Variants in HMGA2 observed in about 807,000 individuals in gnomAD.
HMGA2 encodes the protein high mobility group AT-hook 2.
HMGA2 carries 8 observed loss-of-function variants against 19.1 expected under a neutral mutation model. The ratio of observed to expected loss-of-function variants is 0.42; its 90% CI spans 0.25 to 0.76. HMGA2 has a LOEUF of 0.76. Among genes scored for constraint, HMGA2 ranks in the 30% least tolerant of loss-of-function variants. The pLI is 0.28. For synonymous variants in HMGA2, 60 were observed against 48.8 expected (o/e 1.23, Z -0.96); for missense variants, 109 against 136.3 (o/e 0.80, Z 1.00).
intron 3 of HMGA2, among the ~76,000 whole-genome samples, chr12:65,884,695 C>G (rs1255183096): frequency 6.6e-6 from 1 of 152,114 alleles, no homozygotes; most frequent in Non-Finnish European, 1.5e-5. Flanking sequence ...CTTCTAAATT[C>G]TCAATATTTA....
rs532769641 is a variant in HMGA2 at position 65,894,546 on chromosome 12, T to C, written c.249+55977T>C. ...ACATGGTCAAATCTAAGCATTTTAT[T>C]CATAAGAACTCTAATAATAAAGCTT... is the stretch of plus-strand genomic sequence containing the variant. On this transcript the variant is annotated intron_variant, in intron 3 of 4. Coordinates refer to ENST00000403681, the MANE Select transcript of HMGA2 (RefSeq NM_003483.6). Among the ~76,000 whole-genome samples the C allele has an allele frequency of 6.6e-5, 10 of 152,360 alleles. No homozygotes were observed. In the South Asian group the frequency reaches 1.9e-3, roughly 28 times the overall value.
rs1240267406 is a variant in HMGA2, at chr12:65,965,043, G to A, written c.*1751G>A. 5.3e-6 allele frequency: 1 copy of A among 188,342 alleles called. No individual in the cohort carries two copies. The highest frequency in any genetic ancestry group is 2.3e-5 in the African/African-American group (1 of 42,826). 11.7% of individuals were successfully genotyped at this position (188,342 alleles called of 1,614,324 possible). ...AATGTTTGAAATAGTTCAAACTGCAGCTAACCCTAGTCAAAACTATTTTTG... is the reference window on the plus strand; with the variant it reads ...AATGTTTGAAATAGTTCAAACTGCAACTAACCCTAGTCAAAACTATTTTTG... On this transcript the variant is annotated 3_prime_UTR_variant, in exon 5 of 5. Coordinates refer to ENST00000403681, the MANE Select transcript of HMGA2 (RefSeq NM_003483.6).
At chr12:65,935,836 T>C (rs969927228) in intron 3 of HMGA2, among the ~76,000 whole-genome samples, 4 of 152,118 alleles carry the variant, frequency 2.6e-5, no homozygotes, top group South Asian at 2.1e-4. Context: ...TCTCAAACAA[T>C]AGTACATTTT....
chr12:65,836,431 G>A (rs944875133), intron 2 of HMGA2, among the ~76,000 whole-genome samples: 1 of 152,092 alleles, frequency 6.6e-6, no homozygotes, highest in African/African-American at 2.4e-5. Context: ...GAACACTTAT[G>A]GAGCACCTCA....
In HMGA2 at chr12:65,825,192, T is replaced by C; in HGVS notation, c.-79T>C. 2.3e-6 allele frequency: 3 copies of C among 1,291,858 alleles called. No individual in the cohort carries two copies. Among genetic ancestry groups the C allele is most frequent in the East Asian group, 2.8e-5 (1 of 35,520 alleles). The allele number at this position is 1,291,858 out of a possible 1,614,324, so 80.0% of individuals were successfully genotyped here. A position where few individuals can be genotyped will look rare whatever the true frequency, so the allele number is the denominator to read the frequency against. On this transcript the variant is annotated 5_prime_UTR_variant, in exon 1 of 5. Transcript: ENST00000403681. This position sits in a 1 kb window ranked among gnomAD's most constrained non-coding sequence, Gnocchi z 4.4. Reference sequence around the variant, plus strand: ...CGGCGTCCCCAGCCCTATCACCTCATCTCCCGAAAGGTGCTGGGCAGCTCC... The same window carrying C: ...CGGCGTCCCCAGCCCTATCACCTCACCTCCCGAAAGGTGCTGGGCAGCTCC...
At position 65,931,551 on chromosome 12, in the gene HMGA2, TTGTGTGTGTGTGTGTG is replaced by T. The variant is rs60877869; in HGVS notation, c.250-19808_250-19793del. Among the ~76,000 whole-genome samples the T allele has an allele frequency of 2.1e-5, 3 of 144,148 alleles. No individual in the cohort carries two copies. The East Asian group carries it at 6.1e-4, about 29-fold the overall frequency. The allele number at this position is 144,148 out of a possible 152,430, so 94.6% of individuals were successfully genotyped here. The stretch of plus-strand genomic sequence containing the variant: ...ACCCAGGAGCTAAGTTTATAGATGT[TTGTGTGTGTGTGTGTG>T]TGTGTGTGTGTGTGTGTGTGTGTTT... On this transcript the variant is annotated intron_variant, in intron 3 of 4. Coordinates refer to ENST00000403681, the MANE Select transcript of HMGA2 (RefSeq NM_003483.6).
At chr12:65,838,992 C>CTTTTTTTTTTTTTTTTTTTTTTT (rs1565703147) in intron 3 of HMGA2, among the ~76,000 whole-genome samples, 1 of 89,452 alleles carries the variant, frequency 1.1e-5, no homozygotes, top group African/African-American at 1.0e-4. Flanking sequence ...CTTTCTTTTT[C>CTTTTTTTTTTTTTTTTTTTTTTT]TTTTTCTTTT....
chr12:65,834,755 T>A (rs1239796982), intron 2 of HMGA2, among the ~76,000 whole-genome samples: 1 of 152,148 alleles, frequency 6.6e-6, no homozygotes, highest in Non-Finnish European at 1.5e-5. Context: ...CTTTCCTAAT[T>A]AGTTTTTAAA....
At chr12:65,935,523 C>T (rs1303877385) in intron 3 of HMGA2, among the ~76,000 whole-genome samples, 1 of 151,628 alleles carries the variant, frequency 6.6e-6, no homozygotes, top group Non-Finnish European at 1.5e-5. Flanking sequence ...TTTCTGTCTG[C>T]ATAACACACA....
chr12:65,828,908 AG>A (rs1458472821), intron 2 of HMGA2: 1 of 152,212 alleles, frequency 6.6e-6, no homozygotes, highest in African/African-American at 2.4e-5. Flanking sequence ...GAACTATGTC[AG>A]GGTTAATGCA....
chr12:65,951,605 C>G (rs564713513), intron 4 of HMGA2, 190 bp downstream of exon 4: 238 of 520,374 alleles, frequency 4.6e-4, no homozygotes, highest in African/African-American at 3.8e-3. Flanking sequence ...ATGAAAACCT[C>G]CCAAAATGTA....
intron 3 of HMGA2, among the ~76,000 whole-genome samples, chr12:65,879,292 A>AATTTT (rs1555184079): frequency 9.6e-6 from 1 of 103,978 alleles, no homozygotes. Context: ...CATACCAGCT[A>AATTTT]TTTTTTTTTT....
At chr12:65,917,443 C>T (rs1012178771) in intron 3 of HMGA2, among the ~76,000 whole-genome samples, 1 of 152,192 alleles carries the variant, frequency 6.6e-6, no homozygotes, top group African/African-American at 2.4e-5. Flanking sequence ...GGATTGTTTC[C>T]TCCATGCTCT....
chr12:65,925,312 A>G (rs1192518707), intron 3 of HMGA2, among the ~76,000 whole-genome samples: 1 of 152,154 alleles, frequency 6.6e-6, no homozygotes, highest in Non-Finnish European at 1.5e-5. Context: ...CTTTTGGACA[A>G]TTTCTAATAA....
intron 3 of HMGA2, among the ~76,000 whole-genome samples, chr12:65,900,787 G>A (rs1305277656): frequency 1.3e-5 from 2 of 152,160 alleles, no homozygotes; most frequent in Non-Finnish European, 2.9e-5. Flanking sequence ...TGTTTTGAAG[G>A]GAGATTTTGT....
At chr12:65,887,027 T>C (rs538481618) in intron 3 of HMGA2, among the ~76,000 whole-genome samples, 1 of 152,332 alleles carries the variant, frequency 6.6e-6, no homozygotes, top group Non-Finnish European at 1.5e-5. Flanking sequence ...ATGTTCCCCA[T>C]GGCTCAAAAA....
At chr12:65,861,973 T>C (rs1408433221) in intron 3 of HMGA2, among the ~76,000 whole-genome samples, 1 of 151,908 alleles carries the variant, frequency 6.6e-6, no homozygotes, top group Non-Finnish European at 1.5e-5. Flanking sequence ...GCCTCCTGAG[T>C]ATCTGGGATT....
chr12:65,910,277 C>T (rs1286943924), intron 3 of HMGA2, among the ~76,000 whole-genome samples: 1 of 152,224 alleles, frequency 6.6e-6, no homozygotes, highest in Admixed American at 6.5e-5. Flanking sequence ...TAACCATTCT[C>T]ATGAAACAGG....
intron 3 of HMGA2, 61 bp from the exon 4 acceptor site, chr12:65,951,321 AC>A (rs1876450698): frequency 2.0e-6 from 2 of 1,009,972 alleles, no homozygotes; most frequent in South Asian, 1.6e-5. Context: ...AAATATGTAC[AC>A]CTAATTTTTT....
Sources: gnomAD v4.1 joint callset for allele counts (sites outside exome capture counted in the v4.1 genomes callset) on GRCh38, gnomAD v4.1.1 for gene constraint, Gnocchi (gnomAD v3.1) non-coding constraint, MANE v1.5 for transcripts, NCBI Gene and HGNC (gene_info 2026-07-23, HGNC 2026-07-21) for gene names.